The following CADM2 variants were observed in gnomAD, a reference collection of about 807,000 sequenced individuals.
The protein encoded by CADM2 is cell adhesion molecule 2.
Under a neutral mutation model 49.8 loss-of-function variants are expected in CADM2, and 12 were observed. The ratio of observed to expected loss-of-function variants is 0.24; its 90% CI spans 0.15 to 0.39. CADM2 has a LOEUF of 0.39. Among genes scored for constraint, CADM2 ranks in the 10% least tolerant of loss-of-function variants. The pLI is 1.00. For missense variants in CADM2, 378 were observed against 492.3 expected, an observed-to-expected ratio of 0.77 and a Z score of 2.20; for synonymous variants, 214 against 175.4, an observed-to-expected ratio of 1.22 and a Z score of -1.74.
intron 1 of CADM2, among the ~76,000 whole-genome samples, chr3:85,036,230 C>T (rs2035202805): frequency 6.6e-6 from 1 of 152,056 alleles, no homozygotes; most frequent in African/African-American, 2.4e-5. Flanking sequence ...ACATCTCCAA[C>T]ATAATGTGCA....
At chr3:85,005,131 T>C (rs1325136885) in intron 1 of CADM2, among the ~76,000 whole-genome samples, 2 of 152,260 alleles carry the variant, frequency 1.3e-5, no homozygotes, top group East Asian at 3.9e-4. Flanking sequence ...ACATCTAACT[T>C]GTACCACTCT....
intron 1 of CADM2, among the ~76,000 whole-genome samples, chr3:85,319,919 C>A (rs1346763284): frequency 6.6e-6 from 1 of 152,160 alleles, no homozygotes; most frequent in Non-Finnish European, 1.5e-5. Flanking sequence ...ACCCCTGAAC[C>A]TAAATAAGAG....
intron 1 of CADM2, among the ~76,000 whole-genome samples, chr3:85,542,770 G>A (rs1185545395): frequency 1.3e-5 from 2 of 152,144 alleles, no homozygotes; most frequent in African/African-American, 2.4e-5. Flanking sequence ...AAGCATTTGA[G>A]CCTGTTAGCT....
At chr3:85,574,172 C>G (rs2107260576) in intron 1 of CADM2, among the ~76,000 whole-genome samples, 1 of 152,296 alleles carries the variant, frequency 6.6e-6, no homozygotes, top group South Asian at 2.1e-4. Flanking sequence ...AGTTTTTAGG[C>G]CTAGACATTT....
At chr3:85,594,837 G>A (rs2063199426) in intron 1 of CADM2, among the ~76,000 whole-genome samples, 1 of 151,918 alleles carries the variant, frequency 6.6e-6, no homozygotes, top group African/African-American at 2.4e-5. Flanking sequence ...TGGGGCTATG[G>A]GTTCATACAT....
chr3:85,124,454 A>T (rs879347347), intron 1 of CADM2, among the ~76,000 whole-genome samples: 6 of 151,460 alleles, frequency 4.0e-5, no homozygotes, highest in South Asian at 2.1e-4. Flanking sequence ...TTTTTTTTTT[A>T]ATTAGCTGGG....
intron 1 of CADM2, among the ~76,000 whole-genome samples, chr3:85,215,748 G>T (rs531094901): frequency 7.2e-5 from 11 of 152,258 alleles, no homozygotes; most frequent in Admixed American, 4.6e-4. Flanking sequence ...AGTTCCTACT[G>T]CTAGGGTAGA....
Position 85,359,666 on chromosome 3 carries a change from A to ATATATATATATATTT in CADM2, c.62-366855_62-366854insATATATATATATTTT. Among the ~76,000 whole-genome samples the ATATATATATATATTT allele has an allele frequency of 2.0e-3, 52 of 26,534 alleles. 3 individuals are homozygous for ATATATATATATATTT. Among genetic ancestry groups the ATATATATATATATTT allele is most frequent in the Non-Finnish European group, 3.0e-3 (37 of 12,292 alleles). 17.4% of individuals were successfully genotyped at this position (26,534 alleles called of 152,430 possible). A position where few individuals can be genotyped will look rare whatever the true frequency, so the allele number is the denominator to read the frequency against. On this transcript the variant is annotated intron_variant, in intron 1 of 9. Transcript: ENST00000383699. Reference sequence around the variant, plus strand: ...TATATATATATATATATATATATATATTTTTTTTTTTGGTGGAGGGGAGAA... The same window carrying ATATATATATATATTT: ...TATATATATATATATATATATATATATATATATATATATTTTTTTTTTTTTTGGTGGAGGGGAGAA...
chr3:85,125,544 G>A (rs1161930850), intron 1 of CADM2, among the ~76,000 whole-genome samples: 5 of 152,038 alleles, frequency 3.3e-5, no homozygotes, highest in African/African-American at 4.8e-5. Context: ...ATTTTTCGTA[G>A]AGACAGGGTT....
chr3:85,270,812 A>G (rs910580752), intron 1 of CADM2, among the ~76,000 whole-genome samples: 18 of 151,460 alleles, frequency 1.2e-4, no homozygotes, highest in African/African-American at 3.4e-4. Context: ...TAAAAAGAAT[A>G]TCTCATATCA....
At chr3:85,792,150 C>G (rs2071374535) in intron 2 of CADM2, among the ~76,000 whole-genome samples, 1 of 152,104 alleles carries the variant, frequency 6.6e-6, no homozygotes, top group Non-Finnish European at 1.5e-5. Flanking sequence ...AAATGAGGTT[C>G]TTGAGAGAAC....
chr3:84,974,365 A>G (rs1178674947), intron 1 of CADM2, among the ~76,000 whole-genome samples: 1 of 152,046 alleles, frequency 6.6e-6, no homozygotes, highest in South Asian at 2.1e-4. Context: ...GTGCTTACCC[A>G]TTAACTTTAA....
intron 1 of CADM2, among the ~76,000 whole-genome samples, chr3:85,660,187 C>G (rs1311220817): frequency 6.6e-6 from 1 of 152,026 alleles, no homozygotes; most frequent in African/African-American, 2.4e-5. Context: ...TAAGAGATTT[C>G]TGTATTTTTG....
intron 1 of CADM2, among the ~76,000 whole-genome samples, chr3:85,024,117 C>T (rs2034621897): frequency 6.6e-6 from 1 of 152,080 alleles, no homozygotes; most frequent in Admixed American, 6.5e-5. Context: ...CTGGAGTGCT[C>T]TATTGACACA....
chr3:85,508,623 G>A (rs930982353), intron 1 of CADM2, among the ~76,000 whole-genome samples: 1 of 152,176 alleles, frequency 6.6e-6, no homozygotes, highest in Non-Finnish European at 1.5e-5. Flanking sequence ...TAGAAGATTA[G>A]TATCTCCTTA....
At chr3:85,041,611 T>G (rs1266011347) in intron 1 of CADM2, among the ~76,000 whole-genome samples, 6 of 152,040 alleles carry the variant, frequency 3.9e-5, no homozygotes, top group South Asian at 2.1e-4. Flanking sequence ...CTTCAAGGAG[T>G]GAGGATTTAG....
chr3:85,322,404 A>G (rs1483492537), intron 1 of CADM2, among the ~76,000 whole-genome samples: 5 of 152,300 alleles, frequency 3.3e-5, no homozygotes, highest in East Asian at 3.9e-4. Context: ...TGTCTCATGC[A>G]GAGGAATGCT....
chr3:85,812,599 T>C (rs996454309), intron 3 of CADM2, among the ~76,000 whole-genome samples: 21 of 152,310 alleles, frequency 1.4e-4, no homozygotes, highest in African/African-American at 4.8e-4. Context: ...GTGCAGAACA[T>C]GCAGTTTTGT....
At chr3:85,113,905 G>A (rs183003204) in intron 1 of CADM2, among the ~76,000 whole-genome samples, 2 of 152,010 alleles carry the variant, frequency 1.3e-5, no homozygotes, top group African/African-American at 4.8e-5. Flanking sequence ...AGTAAGCAGT[G>A]TGATGGCAAG....
Sources: allele counts gnomAD v4.1 joint callset (sites outside exome capture counted in the v4.1 genomes callset), GRCh38; gene constraint gnomAD v4.1.1; transcripts MANE v1.5; gene names NCBI Gene and HGNC (gene_info 2026-07-23, HGNC 2026-07-21).